Variants in PSMC1 observed in about 807,000 individuals in gnomAD.
PSMC1 encodes 26S proteasome regulatory subunit 4.
In PSMC1, 5 loss-of-function variants were observed where a neutral mutation model predicts 49.8. The observed-to-expected ratio is 0.10, with a 90% CI of 0.05 to 0.21. The LOEUF (loss-of-function observed/expected upper bound fraction) is 0.21. PSMC1 is among the 10% of genes least tolerant of loss of function. PSMC1 has a pLI of 1.00. For synonymous variants in PSMC1, 155 were observed against 192.1 expected, an observed-to-expected ratio of 0.81 and a Z score of 1.60; for missense variants, 181 against 535.7, an observed-to-expected ratio of 0.34 and a Z score of 6.54.
intron 8 of PSMC1, 53 bp from the exon 9 acceptor site, chr14:90,269,344 T>A: frequency 6.6e-7 from 1 of 1,510,164 alleles, no homozygotes; most frequent in Non-Finnish European, 9.0e-7. Flanking sequence ...GTAATTCCCC[T>A]TGAGCAGGCG....
chr14:90,256,859 G>A (rs1224637417), intron 1 of PSMC1, among the ~76,000 whole-genome samples: 1 of 152,220 alleles, frequency 6.6e-6, no homozygotes, highest in Non-Finnish European at 1.5e-5. Context: ...GTGGTCTTGT[G>A]GGGCGGCAGA....
Position 90,263,398 on chromosome 14 carries a change from A to G in PSMC1, c.235A>G (p.Ile79Val). 1 of 1,592,384 alleles carries G rather than the reference A, an allele frequency of 6.3e-7. No individual in the cohort carries two copies. Among genetic ancestry groups the G allele is most frequent in the South Asian group, 1.2e-5 (1 of 86,346 alleles). ...CTATCTTCTCATGGAGGAAGAATTC[A>G]TTAGAAATCAGGAACAAATGAAACC... ...KDYLLMEEEF[I>V]RNQEQMKPLE... The change falls in exon 4 of 11, where the codon ATT (isoleucine) becomes GTT (valine). Residue 79 changes from isoleucine to valine, a missense_variant. Physicochemically the swap from Ile to Val is conservative, Grantham distance 29 (BLOSUM62 3). Around this residue, in one of 3 missense-constraint regions of PSMC1, gnomAD observed 121 missense variants for 358.6 expected, o/e 0.34. Coordinates refer to ENST00000261303, the MANE Select transcript of PSMC1 (RefSeq NM_002802.3).
intron 7 of PSMC1, among the ~76,000 whole-genome samples, chr14:90,267,322 T>C (rs541088398): frequency 2.0e-5 from 3 of 152,102 alleles, no homozygotes; most frequent in South Asian, 2.1e-4. Context: ...CTGGCTAATA[T>C]TGTAACTTTT....
Position 90,268,481 on chromosome 14 carries a change from G to A in PSMC1, c.881+68G>A, listed in dbSNP as rs752396965. 50 of 1,504,288 alleles carry A rather than the reference G, an allele frequency of 3.3e-5. 1 individual carries two copies. Among genetic ancestry groups the A allele is most frequent in the Non-Finnish European group, 4.1e-5 (45 of 1,093,288 alleles). 93.2% of individuals were successfully genotyped at this position (1,504,288 alleles called of 1,614,324 possible). ...ACCGCATAGCTCTTCTCTTGAGAAT[G>A]AGCAATCTCAGGGGGCTCTCCCTAT... On this transcript the variant is annotated intron_variant, in intron 8 of 10. Transcript: ENST00000261303.
rs1462317382 is a variant in PSMC1 at position 90,268,328 on chromosome 14, C to T, written c.796C>T (p.Leu266Phe). Reference protein sequence around the residue: ...IQKYLGDGPKLVRELFRVAEE... With the variant: ...IQKYLGDGPKFVRELFRVAEE... ...GAAGTACCTAGGTGATGGGCCCAAA[C>T]TCGTACGGGAATTGTTCCGAGTTGC... Residue 266 changes from leucine to phenylalanine, a missense_variant, in exon 8 of 11, where the codon CTC becomes TTC. Coordinates refer to ENST00000261303, the MANE Select transcript of PSMC1 (RefSeq NM_002802.3). 6.2e-7 allele frequency: 1 copy of T among 1,613,654 alleles called. No homozygotes were observed. Among genetic ancestry groups the T allele is most frequent in the Non-Finnish European group, 8.5e-7 (1 of 1,179,626 alleles).
intron 9 of PSMC1, chr14:90,269,892 T>G: frequency 2.7e-6 from 1 of 374,170 alleles, no homozygotes; most frequent in Non-Finnish European, 4.8e-6. Flanking sequence ...GAAACAGTGA[T>G]TTGTTTGCTG....
chr14:90,264,651 AG>A (rs1386673411), intron 6 of PSMC1, among the ~76,000 whole-genome samples: 1 of 152,172 alleles, frequency 6.6e-6, no homozygotes, highest in African/African-American at 2.4e-5. Context: ...AGTCATTCCG[AG>A]CCATCACAGA....
intron 7 of PSMC1, among the ~76,000 whole-genome samples, chr14:90,266,912 A>G (rs1207513582): frequency 1.3e-5 from 2 of 152,156 alleles, no homozygotes; most frequent in Non-Finnish European, 2.9e-5. Flanking sequence ...TGTGTCAGCC[A>G]TCCCATTTCT....
intron 1 of PSMC1, among the ~76,000 whole-genome samples, chr14:90,258,852 G>C (rs947650967): frequency 6.6e-6 from 1 of 152,302 alleles, no homozygotes; most frequent in South Asian, 2.1e-4. Context: ...CTCAAGAGGG[G>C]GGTGATCTTA....
chr14:90,275,318 G>A lies in PSMC1; in HGVS notation c.*2911G>A, dbSNP rs1038772742. On this transcript the variant is annotated 3_prime_UTR_variant, in exon 11 of 11. Coordinates refer to ENST00000261303, the MANE Select transcript of PSMC1 (RefSeq NM_002802.3). ...ACTTCCTGTTCAGTGTCTGTATCGTGGGCGGGTAGCAGACTCTCAGCAACT... is the reference window on the plus strand; with the variant it reads ...ACTTCCTGTTCAGTGTCTGTATCGTAGGCGGGTAGCAGACTCTCAGCAACT... 6.6e-6 allele frequency: 1 copy of A among 152,116 alleles called. No homozygotes were observed. The highest frequency in any genetic ancestry group is 1.5e-5 in the Non-Finnish European group (1 of 68,034). The allele number at this position is 152,116 out of a possible 1,614,324, so 9.4% of individuals were successfully genotyped here. A position where few individuals can be genotyped will look rare whatever the true frequency, so the allele number is the denominator to read the frequency against.
At position 90,273,733 on chromosome 14, in the gene PSMC1, C is replaced by T. The variant is rs1033489415; in HGVS notation, c.*1326C>T. The T allele has an allele frequency of 2.6e-5, 4 of 154,524 alleles. No homozygotes were observed. Among genetic ancestry groups the T allele is most frequent in the African/African-American group, 9.6e-5 (4 of 41,510 alleles). 9.6% of individuals were successfully genotyped at this position (154,524 alleles called of 1,614,324 possible). Reference sequence around the variant, plus strand: ...GATTATTGTTGGCAGAATTTAATTTCTTGGAGTTGTGGGCCAGCTGAGGTC... The same window carrying T: ...GATTATTGTTGGCAGAATTTAATTTTTTGGAGTTGTGGGCCAGCTGAGGTC... On this transcript the variant is annotated 3_prime_UTR_variant, in exon 11 of 11. Coordinates refer to ENST00000261303, the MANE Select transcript of PSMC1 (RefSeq NM_002802.3).
At position 90,263,738 on chromosome 14, in the gene PSMC1, A is replaced by G. The variant is rs755002834; in HGVS notation, c.356A>G (p.Asn119Ser). The change falls in exon 5 of 11, where the codon AAT becomes AGT. Residue 119 changes from asparagine to serine, a missense_variant. By Grantham distance (46) the Asn-to-Ser change is conservative (BLOSUM62 1). Transcript: ENST00000261303. ...VGTLEEIIDD[N>S]HAIVSTSVGS... ...ACCTTGGAAGAGATCATTGATGACAATCATGCCATCGTGTCTACATCTGTG... is the reference window on the plus strand; with the variant it reads ...ACCTTGGAAGAGATCATTGATGACAGTCATGCCATCGTGTCTACATCTGTG... 8 of 1,610,882 alleles carry G rather than the reference A, an allele frequency of 5.0e-6. No individual in the cohort carries two copies. The highest frequency in any genetic ancestry group is 2.2e-5 in the East Asian group (1 of 44,856).
chr14:90,275,299 T>C lies in PSMC1; in HGVS notation c.*2892T>C, dbSNP rs1891779400. The C allele has an allele frequency of 6.6e-6, 1 of 152,186 alleles. No homozygotes were observed. The highest frequency in any genetic ancestry group is 2.1e-4 in the South Asian group (1 of 4,822). 9.4% of individuals were successfully genotyped at this position (152,186 alleles called of 1,614,324 possible). A position where few individuals can be genotyped will look rare whatever the true frequency, so the allele number is the denominator to read the frequency against. ...GAGTACTGCGTCCATGCTGACTTCCTGTTCAGTGTCTGTATCGTGGGCGGG... is the reference window on the plus strand; with the variant it reads ...GAGTACTGCGTCCATGCTGACTTCCCGTTCAGTGTCTGTATCGTGGGCGGG... On this transcript the variant is annotated 3_prime_UTR_variant, in exon 11 of 11. Transcript: ENST00000261303.
At chr14:90,264,964 T>G in intron 6 of PSMC1, 106 bp from the exon 7 acceptor site, 2 of 830,600 alleles carry the variant, frequency 2.4e-6, no homozygotes, top group Non-Finnish European at 4.0e-6. Context: ...GAAGAGTAAT[T>G]GAGATTTTTA....
At chr14:90,260,044 T>TTTCTTCTAAGCAGGG in intron 2 of PSMC1, 71 bp from the exon 3 acceptor site, 1 of 920,920 alleles carries the variant, frequency 1.1e-6, no homozygotes, top group Middle Eastern at 3.5e-4. Flanking sequence ...ATGATGGTGG[T>TTTCTTCTAAGCAGGG]ACAGAAATAA....
chr14:90,265,848 G>C (rs1891498287), intron 7 of PSMC1, among the ~76,000 whole-genome samples: 1 of 147,748 alleles, frequency 6.8e-6, no homozygotes. Flanking sequence ...AACAGAGTGA[G>C]ACCCTGTCTG....
chr14:90,263,514 A>G, intron 4 of PSMC1, 72 bp downstream of exon 4: 1 of 1,483,670 alleles, frequency 6.7e-7, no homozygotes, highest in East Asian at 2.3e-5. Flanking sequence ...AAATAAATGA[A>G]ATTCAAGTAG....
chr14:90,256,705 T>C, intron 1 of PSMC1, 105 bp downstream of exon 1: 1 of 1,504,714 alleles, frequency 6.6e-7, no homozygotes, highest in Non-Finnish European at 9.0e-7. Context: ...GGGACAGCCC[T>C]CTTCTCCTTT....
At chr14:90,265,667 T>C (rs955113390) in intron 7 of PSMC1, among the ~76,000 whole-genome samples, 2 of 134,698 alleles carry the variant, frequency 1.5e-5, no homozygotes, top group African/African-American at 5.8e-5. Context: ...CCAGCCTGGG[T>C]GACAGAGCGA....
Sources: allele counts gnomAD v4.1 joint callset (sites outside exome capture counted in the v4.1 genomes callset), GRCh38; gene constraint gnomAD v4.1.1; regional missense constraint gnomAD v4.1.1; transcripts MANE v1.5; gene names NCBI Gene and HGNC (gene_info 2026-07-23, HGNC 2026-07-21).